SNX29: variants seen among roughly 807,000 people sequenced by gnomAD.
The protein encoded by SNX29 is sorting nexin 29, also known as sorting nexin-29.
A neutral mutation model predicts 102.1 loss-of-function variants in SNX29; 78 were observed. That is an observed-to-expected ratio of 0.76 (90% CI 0.64 to 0.92). The LOEUF (loss-of-function observed/expected upper bound fraction) is 0.92, where lower values mean the gene tolerates loss of function less well. SNX29 is among the 40% of genes least tolerant of loss of function. The pLI is 0.00. For missense variants in SNX29, 1,280 were observed against 1,061.7 expected (o/e 1.21, Z -2.86); for synonymous variants, 580 against 414.5 (o/e 1.40, Z -4.85).
intron 11 of SNX29, among the ~76,000 whole-genome samples, chr16:12,090,726 G>A (rs571387517): frequency 4.6e-5 from 7 of 152,234 alleles, no homozygotes; most frequent in African/African-American, 1.4e-4. Flanking sequence ...AGAGTGCCTG[G>A]AAGGCCAGGT....
intron 18 of SNX29, among the ~76,000 whole-genome samples, chr16:12,418,375 T>TA (rs200618788): frequency 0.011 from 1,700 of 151,658 alleles, 27 homozygotes; most frequent in African/African-American, 0.035. Context: ...TGTATTTATT[T>TA]TTTTTTTGCT....
At chr16:12,104,862 C>G (rs977997713) in intron 11 of SNX29, among the ~76,000 whole-genome samples, 3 of 152,184 alleles carry the variant, frequency 2.0e-5, no homozygotes, top group African/African-American at 7.2e-5. Context: ...ACATAAGATC[C>G]AAAAGACAAA....
chr16:12,283,460 C>T (rs1336026695), intron 15 of SNX29, among the ~76,000 whole-genome samples: 1 of 152,094 alleles, frequency 6.6e-6, no homozygotes, highest in Admixed American at 6.6e-5. Context: ...GCTGGGACTA[C>T]AGGCACGCAT....
chr16:12,527,196 G>A (rs1041276143), intron 20 of SNX29: 3 of 533,184 alleles, frequency 5.6e-6, no homozygotes, highest in East Asian at 4.0e-5. Flanking sequence ...CGGAATGTAC[G>A]GATTGTTTCA....
At chr16:12,568,436 C>G in intron 20 of SNX29, 70 bp from the exon 21 acceptor site, 7 of 1,584,662 alleles carry the variant, frequency 4.4e-6, no homozygotes, top group Non-Finnish European at 6.0e-6. Flanking sequence ...ACACCTGGCT[C>G]CCCTTCCTGG....
At chr16:12,040,468 T>C (rs1186900741) in intron 4 of SNX29, among the ~76,000 whole-genome samples, 1 of 152,254 alleles carries the variant, frequency 6.6e-6, no homozygotes, top group East Asian at 1.9e-4. Flanking sequence ...CAAGTAGTTG[T>C]AGGAATGACT....
At chr16:12,471,015 C>G (rs9939410) in intron 18 of SNX29, among the ~76,000 whole-genome samples, 2 of 152,022 alleles carry the variant, frequency 1.3e-5, no homozygotes, top group African/African-American at 4.8e-5. Flanking sequence ...ACTGTGGGGA[C>G]GTGAACCCAG....
chr16:12,119,969 C>G (rs1439098699), intron 11 of SNX29, among the ~76,000 whole-genome samples: 1 of 152,212 alleles, frequency 6.6e-6, no homozygotes, highest in African/African-American at 2.4e-5. Context: ...CATCTGAGCC[C>G]TGCGAAGGGG....
chr16:12,202,467 C>T (rs974663241), intron 14 of SNX29, among the ~76,000 whole-genome samples: 29 of 152,192 alleles, frequency 1.9e-4, no homozygotes, highest in Non-Finnish European at 4.3e-4. Flanking sequence ...TTGAATCTCT[C>T]ACCTCAGGGC....
chr16:12,273,475 C>T (rs543226464), intron 14 of SNX29, among the ~76,000 whole-genome samples: 112 of 152,076 alleles, frequency 7.4e-4, no homozygotes, highest in African/African-American at 2.6e-3. Context: ...TGTCATGCCT[C>T]AGCCTCCCGA....
chr16:12,286,078 A>G (rs2079585887), intron 15 of SNX29, among the ~76,000 whole-genome samples: 1 of 151,696 alleles, frequency 6.6e-6, no homozygotes, highest in Admixed American at 6.6e-5. Flanking sequence ...CCTGACCTCA[A>G]GTGATCCTCC....
At chr16:12,222,550 AAGC>A (rs2077505130) in intron 14 of SNX29, among the ~76,000 whole-genome samples, 5 of 152,098 alleles carry the variant, frequency 3.3e-5, no homozygotes, top group Admixed American at 3.3e-4. Context: ...TATCTGGGTG[AAGC>A]TTCACAGTTT....
chr16:12,439,339 T>A (rs940410430), intron 18 of SNX29, among the ~76,000 whole-genome samples: 3 of 152,148 alleles, frequency 2.0e-5, no homozygotes, highest in African/African-American at 7.2e-5. Context: ...TGGGTCCTGA[T>A]TTTCCGGTGT....
intron 15 of SNX29, among the ~76,000 whole-genome samples, chr16:12,315,873 A>T (rs1246360759): frequency 6.6e-6 from 1 of 152,202 alleles, no homozygotes; most frequent in Non-Finnish European, 1.5e-5. Flanking sequence ...ATTGTTATTA[A>T]ATCAGGAGGC....
intron 8 of SNX29, chr16:12,053,106 CA>C (rs1344847933): frequency 6.6e-6 from 1 of 152,028 alleles, no homozygotes; most frequent in African/African-American, 2.4e-5. Context: ...GCCTGACCAA[CA>C]TGGTGAAACC....
At chr16:12,295,502 G>A (rs1214371143) in intron 15 of SNX29, among the ~76,000 whole-genome samples, 3 of 152,106 alleles carry the variant, frequency 2.0e-5, no homozygotes, top group South Asian at 2.1e-4. Flanking sequence ...TGCAGCTTCC[G>A]TTGACGAAGG....
chr16:12,084,573 C>A (rs2052068873), intron 11 of SNX29, among the ~76,000 whole-genome samples: 1 of 152,190 alleles, frequency 6.6e-6, no homozygotes, highest in Non-Finnish European at 1.5e-5. Flanking sequence ...GTGCCTGTTG[C>A]TCTCGGGAGG....
chr16:12,226,848 G>A (rs2077626086), intron 14 of SNX29, among the ~76,000 whole-genome samples: 1 of 152,150 alleles, frequency 6.6e-6, no homozygotes, highest in Non-Finnish European at 1.5e-5. Context: ...AAAGTGCTGG[G>A]ATTACAGGCA....
At chr16:12,549,761 G>C (rs1381060280) in intron 20 of SNX29, among the ~76,000 whole-genome samples, 1 of 152,226 alleles carries the variant, frequency 6.6e-6, no homozygotes, top group Non-Finnish European at 1.5e-5. Context: ...AGACCTGTTG[G>C]TGATTAGCAG....
Sources: gnomAD v4.1 joint callset for allele counts (sites outside exome capture counted in the v4.1 genomes callset) on GRCh38, gnomAD v4.1.1 for gene constraint, MANE v1.5 for transcripts, NCBI Gene and HGNC (gene_info 2026-07-23, HGNC 2026-07-21) for gene names.